The following PLEKHM3 variants were observed in gnomAD, a reference collection of about 807,000 sequenced individuals.
PLEKHM3 encodes the protein pleckstrin homology domain containing M3.
A neutral mutation model predicts 81.8 loss-of-function variants in PLEKHM3; 45 were observed. The ratio of observed to expected loss-of-function variants is 0.55; its 90% CI spans 0.43 to 0.71. The LOEUF (loss-of-function observed/expected upper bound fraction) is 0.71, where lower values mean the gene tolerates loss of function less well. PLEKHM3 is among the 30% of genes least tolerant of loss of function. The probability of loss-of-function intolerance (pLI) is 0.00; values close to 1 mark genes in which losing one functional copy is unlikely to be tolerated. For missense variants in PLEKHM3, 788 were observed against 924.3 expected, an observed-to-expected ratio of 0.85 and a Z score of 1.91; for synonymous variants, 352 against 356.4, an observed-to-expected ratio of 0.99 and a Z score of 0.14.
At chr2:207,862,076 T>G (rs1333468855) in intron 6 of PLEKHM3, among the ~76,000 whole-genome samples, 2 of 152,148 alleles carry the variant, frequency 1.3e-5, no homozygotes, top group Non-Finnish European at 2.9e-5. Context: ...CCTGTGGGCT[T>G]GCATACATCC....
At chr2:207,939,596 T>C (rs1180329674) in intron 4 of PLEKHM3, among the ~76,000 whole-genome samples, 1 of 152,222 alleles carries the variant, frequency 6.6e-6, no homozygotes, top group Non-Finnish European at 1.5e-5. Context: ...CCACACCCTG[T>C]GCCAGGTGCT....
At chr2:207,925,772 C>G (rs1211910885) in intron 5 of PLEKHM3, among the ~76,000 whole-genome samples, 1 of 152,150 alleles carries the variant, frequency 6.6e-6, no homozygotes, top group Admixed American at 6.5e-5. Flanking sequence ...ACCGCAACTG[C>G]CTGAGGGGCG....
intron 5 of PLEKHM3, among the ~76,000 whole-genome samples, chr2:207,911,946 G>A (rs1688821742): frequency 6.6e-6 from 1 of 152,086 alleles, no homozygotes; most frequent in Non-Finnish European, 1.5e-5. Flanking sequence ...TTATGATTAG[G>A]GATATACAGG....
Position 207,931,100 on chromosome 2 carries a change from T to G in PLEKHM3, c.1712A>C (p.Glu571Ala). ...CTCTTCGTACACGTACTCCAGAAAC[T>G]CCTTGGCCTGCTTCGACACCTACAA... is the stretch of plus-strand genomic sequence containing the variant. ...SKYKVSKQAK[E>A]FLEYVYEEPL... Residue 571 changes from glutamate to alanine, a missense_variant, in exon 5 of 8, where the codon GAG (glutamate) becomes GCG (alanine). Glu to Ala is a moderately radical substitution (Grantham distance 107). Coordinates refer to ENST00000427836, the MANE Select transcript of PLEKHM3 (RefSeq NM_001080475.3). The G allele has an allele frequency of 6.2e-7, 1 of 1,612,162 alleles. No individual in the cohort carries two copies.
intron 6 of PLEKHM3, among the ~76,000 whole-genome samples, chr2:207,889,941 C>A (rs1559223193): frequency 6.6e-6 from 1 of 152,080 alleles, no homozygotes; most frequent in Non-Finnish European, 1.5e-5. Context: ...GTAGCTGGGA[C>A]TACAGTGGCC....
intron 6 of PLEKHM3, among the ~76,000 whole-genome samples, chr2:207,901,746 G>C (rs1460624859): frequency 6.6e-6 from 1 of 152,188 alleles, no homozygotes; most frequent in East Asian, 1.9e-4. Context: ...TTGCTTAAAA[G>C]GCATAATTTG....
intron 3 of PLEKHM3, among the ~76,000 whole-genome samples, chr2:207,963,461 A>G (rs1167293511): frequency 6.6e-6 from 1 of 152,206 alleles, no homozygotes; most frequent in Admixed American, 6.5e-5. Context: ...CTGAATTTTA[A>G]TAAGATCACG....
At chr2:207,983,076 G>T (rs1480762359) in intron 2 of PLEKHM3, among the ~76,000 whole-genome samples, 1 of 147,196 alleles carries the variant, frequency 6.8e-6, no homozygotes, top group Admixed American at 6.9e-5. Flanking sequence ...TTTTGAGACG[G>T]AGTCTCGCTC....
intron 3 of PLEKHM3, among the ~76,000 whole-genome samples, chr2:207,962,525 TAACAAATTATCA>T (rs1309484630): frequency 6.6e-6 from 1 of 152,232 alleles, no homozygotes; most frequent in Non-Finnish European, 1.5e-5. Context: ...TGAGTTGTTC[TAACAAATTATCA>T]AACCTGAGGC....
At chr2:207,985,060 A>C (rs900515681) in intron 2 of PLEKHM3, among the ~76,000 whole-genome samples, 10 of 152,002 alleles carry the variant, frequency 6.6e-5, no homozygotes, top group African/African-American at 2.4e-4. Flanking sequence ...TAGGGGGTTC[A>C]GAGTATATTA....
intron 5 of PLEKHM3, among the ~76,000 whole-genome samples, chr2:207,923,924 T>C (rs1462641268): frequency 1.5e-5 from 2 of 131,836 alleles, no homozygotes; most frequent in South Asian, 2.4e-4. Context: ...TTTTTTTTTT[T>C]CTGAGGCGGA....
At chr2:207,926,902 G>A (rs1043905948) in intron 5 of PLEKHM3, among the ~76,000 whole-genome samples, 4 of 152,222 alleles carry the variant, frequency 2.6e-5, no homozygotes, top group African/African-American at 7.2e-5. Flanking sequence ...GCGGTCGAGC[G>A]CTAATACAAT....
At chr2:207,989,006 C>T (rs1691812217) in intron 2 of PLEKHM3, among the ~76,000 whole-genome samples, 1 of 152,204 alleles carries the variant, frequency 6.6e-6, no homozygotes, top group Admixed American at 6.5e-5. Context: ...GTGAAGCCAT[C>T]CCTTAAACAC....
chr2:207,880,653 C>T (rs1485426611), intron 6 of PLEKHM3, among the ~76,000 whole-genome samples: 1 of 146,300 alleles, frequency 6.8e-6, no homozygotes, highest in African/African-American at 2.5e-5. Flanking sequence ...GTCCCAGCTA[C>T]TTGGGAGGCT....
chr2:208,004,590 G>T (rs1023092634), intron 1 of PLEKHM3, among the ~76,000 whole-genome samples: 3 of 152,056 alleles, frequency 2.0e-5, no homozygotes, highest in Non-Finnish European at 4.4e-5. Context: ...GAAGGTAAGA[G>T]GCCCCACGAG....
At chr2:207,908,482 A>G in intron 6 of PLEKHM3, 32 bp downstream of exon 6, 1 of 1,589,668 alleles carries the variant, frequency 6.3e-7, no homozygotes, top group Non-Finnish European at 8.6e-7. Context: ...CAGGAAAGCA[A>G]CAAAAATGAA....
intron 3 of PLEKHM3, among the ~76,000 whole-genome samples, chr2:207,969,215 G>A (rs1691027804): frequency 1.3e-5 from 2 of 152,086 alleles, no homozygotes; most frequent in African/African-American, 4.8e-5. Flanking sequence ...TGACCCTTCT[G>A]GGCACTTAGA....
chr2:207,951,211 CA>C (rs1221809958), intron 3 of PLEKHM3, among the ~76,000 whole-genome samples: 4 of 151,828 alleles, frequency 2.6e-5, no homozygotes, highest in Non-Finnish European at 2.9e-5. Context: ...ATCACTGTTA[CA>C]AAAAACCATT....
chr2:207,830,380 G>A lies in PLEKHM3; in HGVS notation c.2109-1884C>T, dbSNP rs140439978. On this transcript the variant is annotated intron_variant, in intron 7 of 7. Coordinates refer to ENST00000427836, the MANE Select transcript of PLEKHM3 (RefSeq NM_001080475.3). ...TGTAATCTCAGCACTTTGGGAGGCC[G>A]AGGTGAGCGGATCACCCGAGGTCAG... Among the ~76,000 whole-genome samples, 102 of 152,146 alleles carry A rather than the reference G, an allele frequency of 6.7e-4. 1 individual carries two copies. The East Asian group carries it at 0.018, about 27-fold the overall frequency.
Sources: allele counts gnomAD v4.1 joint callset (sites outside exome capture counted in the v4.1 genomes callset), GRCh38; gene constraint gnomAD v4.1.1; transcripts MANE v1.5; gene names NCBI Gene and HGNC (gene_info 2026-07-23, HGNC 2026-07-21).